SEMA6A: variants seen among roughly 807,000 people sequenced by gnomAD.
SEMA6A encodes the protein semaphorin 6A.
Under a neutral mutation model 96.8 loss-of-function variants are expected in SEMA6A, and 25 were observed. The ratio of observed to expected loss-of-function variants is 0.26; its 90% CI spans 0.19 to 0.36. SEMA6A has a LOEUF of 0.36. Among genes scored for constraint, SEMA6A ranks in the 10% least tolerant of loss-of-function variants. The pLI is 1.00. For synonymous variants in SEMA6A, 612 were observed against 518.0 expected (o/e 1.18, Z -2.46); for missense variants, 1,363 against 1,323.1 (o/e 1.03, Z -0.47).
In SEMA6A at chr5:116,447,153, C is replaced by T; in HGVS notation, c.2553G>A (p.Glu851=). Residue 851 remains glutamate, a synonymous_variant, in exon 19 of 19, where the codon GAG becomes GAA. Coordinates refer to ENST00000343348, the MANE Select transcript of SEMA6A (RefSeq NM_020796.5). ...TGAGATGTTCCTTGATGGTCTTATA[C>T]TCCAGTGTGGCGGCCTGGTCCTCCA... ...MALEDQAATL[E]YKTIKEHLSS... 3.7e-6 allele frequency: 6 copies of T among 1,614,006 alleles called. No homozygotes were observed. The highest frequency in any genetic ancestry group is 5.1e-6 in the Non-Finnish European group (6 of 1,179,896).
chr5:116,503,500 T>G (rs564806305), intron 2 of SEMA6A, among the ~76,000 whole-genome samples: 1 of 128,892 alleles, frequency 7.8e-6, no homozygotes, highest in South Asian at 2.7e-4. Flanking sequence ...AGTAGTCCAT[T>G]TGGGCTGGAG....
chr5:116,485,557 G>C (rs1472624461), intron 10 of SEMA6A, among the ~76,000 whole-genome samples: 1 of 152,144 alleles, frequency 6.6e-6, no homozygotes, highest in Non-Finnish European at 1.5e-5. Context: ...TGGGGAGCTT[G>C]ACTCTCATCC....
chr5:116,563,573 G>A (rs191662604), intron 1 of SEMA6A, among the ~76,000 whole-genome samples: 1 of 150,654 alleles, frequency 6.6e-6, no homozygotes, highest in Non-Finnish European at 1.5e-5. Flanking sequence ...GTTAATTAAA[G>A]TCCACATTGT....
intron 10 of SEMA6A, among the ~76,000 whole-genome samples, chr5:116,485,095 G>A (rs994073589): frequency 6.6e-6 from 1 of 152,160 alleles, no homozygotes; most frequent in Non-Finnish European, 1.5e-5. Context: ...ATGACAATGG[G>A]TATGTATATT....
intron 18 of SEMA6A, among the ~76,000 whole-genome samples, chr5:116,464,928 T>C (rs572420951): frequency 2.1e-4 from 32 of 152,256 alleles, no homozygotes; most frequent in Non-Finnish European, 3.8e-4. Flanking sequence ...CAATGGACAC[T>C]TGACTCCTCA....
chr5:116,561,967 TA>T (rs57355707), intron 1 of SEMA6A, among the ~76,000 whole-genome samples: 114 of 148,694 alleles, frequency 7.7e-4, no homozygotes, highest in African/African-American at 1.5e-3. Context: ...CTTTATAATT[TA>T]AAAAAAAAAA....
intron 16 of SEMA6A, 119 bp from the exon 17 acceptor site, chr5:116,473,212 T>C (rs1756259990): frequency 1.1e-6 from 1 of 931,842 alleles, no homozygotes; most frequent in Admixed American, 2.6e-5. Context: ...CGATACTAAG[T>C]AAGTGCTTTT....
At position 116,446,802 on chromosome 5, in the gene SEMA6A, G is replaced by A; in HGVS notation, c.2904C>T (p.Ser968=). 6.2e-7 allele frequency: 1 copy of A among 1,613,324 alleles called. No homozygotes were observed. The highest frequency in any genetic ancestry group is 8.5e-7 in the Non-Finnish European group (1 of 1,179,594). Residue 968 remains serine (S), a synonymous_variant, in exon 19 of 19, where the codon TCC becomes TCT. Coordinates refer to ENST00000343348, the MANE Select transcript of SEMA6A (RefSeq NM_020796.5). The part of the protein sequence containing the change: ...NPPPAPQRVD[S]IQVHSSQPSG... The stretch of plus-strand genomic sequence containing the variant: ...ATGGCTGGGAGCTGTGCACCTGGAT[G>A]GAGTCCACCCTCTGCGGGGCGGGCG...
At chr5:116,489,196 G>A (rs1376997950) in intron 7 of SEMA6A, among the ~76,000 whole-genome samples, 189 bp from the exon 8 acceptor site, 1 of 152,170 alleles carries the variant, frequency 6.6e-6, no homozygotes, top group Admixed American at 6.5e-5. Flanking sequence ...GATCATGAGA[G>A]ATGAAACATT....
In SEMA6A at chr5:116,478,929, A is replaced by AGTGTGTGT. The variant is rs34260068; in HGVS notation, c.1251-219_1251-212dup. Among the ~76,000 whole-genome samples the AGTGTGTGT allele has an allele frequency of 2.0e-3, 297 of 149,356 alleles. 1 individual carries two copies. The highest frequency in any genetic ancestry group is 3.7e-3 in the Admixed American group (55 of 14,994). ...AAAGGGGAGGAAGGAGGTGTGAGAG[A>AGTGTGTGT]GTGTGTGTGTGTGTGTGTGTGTGTG... On this transcript the variant is annotated intron_variant, in intron 12 of 18. Coordinates refer to ENST00000343348, the MANE Select transcript of SEMA6A (RefSeq NM_020796.5).
intron 18 of SEMA6A, among the ~76,000 whole-genome samples, chr5:116,450,090 A>C (rs1425746681): frequency 6.6e-6 from 1 of 152,202 alleles, no homozygotes; most frequent in East Asian, 1.9e-4. Flanking sequence ...ATTTTTCTTC[A>C]ATTTTGATTA....
chr5:116,461,620 G>A (rs1206754986), intron 18 of SEMA6A, among the ~76,000 whole-genome samples: 1 of 152,108 alleles, frequency 6.6e-6, no homozygotes, highest in Non-Finnish European at 1.5e-5. Flanking sequence ...TGGTACTGAG[G>A]GAAAGAACTG....
At chr5:116,506,285 A>G (rs779567335) in intron 1 of SEMA6A, among the ~76,000 whole-genome samples, 16 of 152,214 alleles carry the variant, frequency 1.1e-4, no homozygotes, top group Admixed American at 3.9e-4. Flanking sequence ...CATTTCTTCA[A>G]TTGAAAAGTG....
intron 4 of SEMA6A, 105 bp downstream of exon 4, chr5:116,497,222 A>G: frequency 3.0e-6 from 2 of 676,874 alleles, no homozygotes; most frequent in Non-Finnish European, 5.0e-6. Flanking sequence ...TGGCATCTCT[A>G]AATTATGATT....
intron 1 of SEMA6A, among the ~76,000 whole-genome samples, chr5:116,510,064 T>C (rs1758336564): frequency 6.6e-6 from 1 of 152,150 alleles, no homozygotes; most frequent in African/African-American, 2.4e-5. Flanking sequence ...CTCTTCCATG[T>C]AGCTCTCACT....
intron 1 of SEMA6A, among the ~76,000 whole-genome samples, chr5:116,572,880 T>G (rs979074615): frequency 6.6e-6 from 1 of 152,130 alleles, no homozygotes; most frequent in African/African-American, 2.4e-5. Context: ...AGGGAAACTT[T>G]CCAGGAGCGC....
At chr5:116,536,915 T>C (rs1365387925) in intron 1 of SEMA6A, among the ~76,000 whole-genome samples, 3 of 148,086 alleles carry the variant, frequency 2.0e-5, no homozygotes, top group Admixed American at 1.4e-4. Context: ...TGTTCTTTTG[T>C]GCTGTACAAA....
chr5:116,557,076 G>C (rs1338847855), intron 1 of SEMA6A, among the ~76,000 whole-genome samples: 2 of 152,186 alleles, frequency 1.3e-5, no homozygotes, highest in Non-Finnish European at 2.9e-5. Flanking sequence ...AATATCTTTA[G>C]AGAATAATCT....
intron 11 of SEMA6A, among the ~76,000 whole-genome samples, chr5:116,481,500 G>A (rs868688379): frequency 3.9e-5 from 6 of 152,306 alleles, no homozygotes; most frequent in Middle Eastern, 6.8e-3. Flanking sequence ...TAAGTGGTTC[G>A]TATTATCTAA....
Sources: gnomAD v4.1 joint callset for allele counts (sites outside exome capture counted in the v4.1 genomes callset) on GRCh38, gnomAD v4.1.1 for gene constraint, MANE v1.5 for transcripts, NCBI Gene and HGNC (gene_info 2026-07-23, HGNC 2026-07-21) for gene names.